The following IGFL2 variants were observed in gnomAD, a reference collection of about 807,000 sequenced individuals.
IGFL2 encodes the protein insulin growth factor-like family member 2.
In IGFL2, 7 loss-of-function variants were observed where a neutral mutation model predicts 13.9. The ratio of observed to expected loss-of-function variants is 0.51; its 90% CI spans 0.29 to 0.95. The LOEUF (loss-of-function observed/expected upper bound fraction) is 0.95, where lower values mean the gene tolerates loss of function less well. Among genes scored for constraint, IGFL2 ranks in the 40% least tolerant of loss-of-function variants. The pLI is 0.08. For synonymous variants in IGFL2, 55 were observed against 55.8 expected, an observed-to-expected ratio of 0.99 and a Z score of 0.07; for missense variants, 138 against 147.8, an observed-to-expected ratio of 0.93 and a Z score of 0.34.
chr19:46,190,000 G>C, the IGFL2 span: 1 of 152,144 alleles, frequency 6.6e-6, no homozygotes, highest in Non-Finnish European at 1.5e-5. Context: ...ATTTGTGAAT[G>C]AGCCCTTGGG....
chr19:46,197,634 C>T, the IGFL2 span, among the ~76,000 whole-genome samples: 3 of 152,108 alleles, frequency 2.0e-5, no homozygotes, highest in Admixed American at 1.3e-4. Flanking sequence ...CAGACTCAAG[C>T]GATCCTCACA....
the IGFL2 span, among the ~76,000 whole-genome samples, chr19:46,130,037 G>T: frequency 6.6e-6 from 1 of 152,004 alleles, no homozygotes; most frequent in African/African-American, 2.4e-5. Flanking sequence ...TCTGAATCTG[G>T]GTGCTCTTGT....
the IGFL2 span, chr19:46,179,344 G>T: frequency 3.5e-4 from 56 of 157,902 alleles, no homozygotes; most frequent in Admixed American, 3.0e-3. Flanking sequence ...CTGGTCATAG[G>T]GTGGGGGGGG....
At chr19:46,133,306 G>C in the IGFL2 span, among the ~76,000 whole-genome samples, 5 of 152,184 alleles carry the variant, frequency 3.3e-5, no homozygotes, top group African/African-American at 1.2e-4. Context: ...CCGCTTGCTA[G>C]CAGTCTTGCC....
chr19:46,085,546 C>T, the IGFL2 span, among the ~76,000 whole-genome samples: 4 of 152,144 alleles, frequency 2.6e-5, no homozygotes, highest in Admixed American at 6.5e-5. Flanking sequence ...CTCTTGAATA[C>T]AGTATACAGT....
the IGFL2 span, chr19:46,101,237 C>G: frequency 6.6e-6 from 1 of 152,448 alleles, no homozygotes; most frequent in Non-Finnish European, 1.5e-5. Flanking sequence ...ATGAAACACT[C>G]TAGTTGTCCC....
chr19:46,145,086 C>A (rs149505012), upstream of IGFL2, among the ~76,000 whole-genome samples: 1 of 151,970 alleles, frequency 6.6e-6, no homozygotes, highest in East Asian at 1.9e-4. Flanking sequence ...ATACTATGAA[C>A]GATTGTGCTT....
At chr19:46,193,243 A>G in the IGFL2 span, among the ~76,000 whole-genome samples, 1 of 152,132 alleles carries the variant, frequency 6.6e-6, no homozygotes, top group African/African-American at 2.4e-5. Flanking sequence ...CATAAATTTT[A>G]AAGTTGCGTG....
the IGFL2 span, among the ~76,000 whole-genome samples, chr19:46,130,254 A>G: frequency 6.6e-6 from 1 of 152,222 alleles, no homozygotes; most frequent in African/African-American, 2.4e-5. Flanking sequence ...GTGTAATTGC[A>G]TGTGAGATGG....
upstream of IGFL2, among the ~76,000 whole-genome samples, chr19:46,146,681 T>G (rs1188930461): frequency 6.6e-6 from 1 of 152,186 alleles, no homozygotes; most frequent in Non-Finnish European, 1.5e-5. Flanking sequence ...CCAGTTCAGT[T>G]TTTGGGGAGG....
the IGFL2 span, among the ~76,000 whole-genome samples, chr19:46,092,571 G>A: frequency 6.6e-6 from 1 of 152,068 alleles, no homozygotes; most frequent in South Asian, 2.1e-4. Context: ...GGCTGAGGCT[G>A]CAGTGAGCTG....
intron 1 of IGFL2, among the ~76,000 whole-genome samples, chr19:46,156,811 A>G (rs529697595): frequency 2.0e-5 from 3 of 152,156 alleles, no homozygotes; most frequent in Admixed American, 6.5e-5. Flanking sequence ...ATAAAATTGA[A>G]AACAGAAAAA....
the IGFL2 span, among the ~76,000 whole-genome samples, chr19:46,194,378 C>T: frequency 6.6e-6 from 1 of 152,186 alleles, no homozygotes; most frequent in Non-Finnish European, 1.5e-5. Context: ...ATCAGCCAGG[C>T]ACCCAGAGGC....
At chr19:46,166,823 C>T in the IGFL2 span, among the ~76,000 whole-genome samples, 3,766 of 152,290 alleles carry the variant, frequency 0.025, 132 homozygotes, top group African/African-American at 0.083. Context: ...CCTGGCTCAC[C>T]GGCGGTCAGA....
At chr19:46,194,737 A>T in the IGFL2 span, among the ~76,000 whole-genome samples, 2 of 150,676 alleles carry the variant, frequency 1.3e-5, no homozygotes, top group Non-Finnish European at 2.9e-5. Flanking sequence ...CAGGAGAATC[A>T]CTTGAACCCC....
the IGFL2 span, among the ~76,000 whole-genome samples, chr19:46,199,881 A>AT: frequency 9.9e-5 from 15 of 151,068 alleles, no homozygotes; most frequent in East Asian, 7.8e-4. Context: ...TCCTTTTTAA[A>AT]TTTTTTTTTT....
the IGFL2 span, among the ~76,000 whole-genome samples, chr19:46,170,637 C>T: frequency 1.3e-5 from 2 of 151,986 alleles, no homozygotes; most frequent in Admixed American, 6.6e-5. Flanking sequence ...ATTCTTTTCC[C>T]AGTAAGGAAT....
chr19:46,210,805 A>G, the IGFL2 span, among the ~76,000 whole-genome samples: 1 of 152,202 alleles, frequency 6.6e-6, no homozygotes, highest in Non-Finnish European at 1.5e-5. Flanking sequence ...CCCAGGATCA[A>G]TACTTTGCAT....
the IGFL2 span, among the ~76,000 whole-genome samples, chr19:46,112,457 CTG>C: frequency 6.6e-6 from 1 of 152,220 alleles, no homozygotes; most frequent in African/African-American, 2.4e-5. Context: ...AAGAAAAAGA[CTG>C]AGAATCTCTT....
Sources: allele counts gnomAD v4.1 joint callset (sites outside exome capture counted in the v4.1 genomes callset), GRCh38; gene constraint gnomAD v4.1.1; transcripts MANE v1.5; gene names NCBI Gene and HGNC (gene_info 2026-07-23, HGNC 2026-07-21).